GMDS: variants seen among roughly 807,000 people sequenced by gnomAD.
GMDS encodes GDP-mannose 4,6 dehydratase.
A neutral mutation model predicts 49.9 loss-of-function variants in GMDS; 20 were observed. The ratio of observed to expected loss-of-function variants is 0.40; its 90% CI spans 0.28 to 0.58. The LOEUF is 0.58. Ranked by LOEUF, GMDS falls within the 20% of genes least tolerant of loss-of-function variation. The pLI, the probability that GMDS is intolerant of heterozygous loss-of-function variation, is 0.42. For synonymous variants in GMDS, 177 were observed against 178.6 expected (o/e 0.99, Z 0.07); for missense variants, 362 against 481.4 (o/e 0.75, Z 2.32).
At chr6:1,730,878 A>G (rs1202364065) in intron 8 of GMDS, among the ~76,000 whole-genome samples, 1 of 152,220 alleles carries the variant, frequency 6.6e-6, no homozygotes, top group Admixed American at 6.5e-5. Context: ...TATATAAGGA[A>G]AATCACATAT....
chr6:2,076,560 G>C (rs1224761968), intron 4 of GMDS, among the ~76,000 whole-genome samples: 1 of 152,124 alleles, frequency 6.6e-6, no homozygotes, highest in African/African-American at 2.4e-5. Context: ...TACCAAAACA[G>C]AGATATAGAC....
intron 9 of GMDS, among the ~76,000 whole-genome samples, chr6:1,645,161 C>T (rs1166795094): frequency 6.6e-6 from 1 of 152,086 alleles, no homozygotes; most frequent in Non-Finnish European, 1.5e-5. Context: ...GTCTCGAACT[C>T]CTGACCTCGT....
At chr6:2,117,623 G>C in intron 2 of GMDS, 67 bp from the exon 3 acceptor site, 2 of 809,098 alleles carry the variant, frequency 2.5e-6, no homozygotes, top group African/African-American at 1.7e-5. Context: ...TTTAGCTAAT[G>C]TTTAGCTTTA....
chr6:1,668,354 A>G (rs1764300202), intron 9 of GMDS, among the ~76,000 whole-genome samples: 1 of 152,234 alleles, frequency 6.6e-6, no homozygotes, highest in South Asian at 2.1e-4. Flanking sequence ...TTAATAAGAT[A>G]AAAAGGCCTT....
rs559900057 is a variant in GMDS at position 2,124,393 on chromosome 6, G to A, written c.147+294C>T. On this transcript the variant is annotated intron_variant, in intron 2 of 10. Transcript: ENST00000380815. Reference sequence around the variant, plus strand: ...AACACATTACATCATAAATTAACCCGAATCATGTTACAGCTTCGCTTGCAC... The same window carrying A: ...AACACATTACATCATAAATTAACCCAAATCATGTTACAGCTTCGCTTGCAC... Among the ~76,000 whole-genome samples the A allele has an allele frequency of 1.6e-4, 24 of 152,294 alleles. No homozygotes were observed. The South Asian group carries it at 4.1e-3, about 26-fold the overall frequency.
At chr6:2,085,802 C>A (rs367987961) in intron 4 of GMDS, among the ~76,000 whole-genome samples, 3 of 152,280 alleles carry the variant, frequency 2.0e-5, no homozygotes, top group South Asian at 4.1e-4. Context: ...TGCTGGATTA[C>A]AGGCGTGAGT....
At chr6:1,909,497 T>C (rs1383118381) in intron 7 of GMDS, among the ~76,000 whole-genome samples, 1 of 152,214 alleles carries the variant, frequency 6.6e-6, no homozygotes, top group African/African-American at 2.4e-5. Flanking sequence ...TGCAACAGGA[T>C]CTTGCTGTGA....
At chr6:2,143,082 G>T (rs1776385259) in intron 1 of GMDS, among the ~76,000 whole-genome samples, 1 of 152,212 alleles carries the variant, frequency 6.6e-6, no homozygotes, top group African/African-American at 2.4e-5. Flanking sequence ...ACAGGACCAT[G>T]ACTGCATTGC....
chr6:1,911,058 G>A (rs1321370393), intron 7 of GMDS, among the ~76,000 whole-genome samples: 1 of 152,202 alleles, frequency 6.6e-6, no homozygotes, highest in Admixed American at 6.5e-5. Context: ...GAAAGATGGA[G>A]GGGCTAGTTC....
At chr6:1,747,061 G>C (rs1767526814) in intron 7 of GMDS, among the ~76,000 whole-genome samples, 1 of 152,104 alleles carries the variant, frequency 6.6e-6, no homozygotes, top group African/African-American at 2.4e-5. Context: ...CTCCCATTTG[G>C]TAATTTGAGG....
chr6:2,017,360 G>A (rs185219524), intron 4 of GMDS, among the ~76,000 whole-genome samples: 1 of 151,966 alleles, frequency 6.6e-6, no homozygotes, highest in African/African-American at 2.4e-5. Context: ...CCAGGCAGGA[G>A]TGCAGTGGCG....
intron 7 of GMDS, among the ~76,000 whole-genome samples, chr6:1,817,180 C>T (rs1184168342): frequency 6.6e-6 from 1 of 151,458 alleles, no homozygotes; most frequent in East Asian, 1.9e-4. Context: ...CTAGAACATG[C>T]CTTCCTGTTC....
intron 7 of GMDS, among the ~76,000 whole-genome samples, chr6:1,872,105 T>C (rs2296131): frequency 0.48 from 72,762 of 152,118 alleles, 20,409 homozygotes; most frequent in Non-Finnish European, 0.62. Context: ...TGGTCCTCTC[T>C]ATCCCAGTTG....
At chr6:1,938,394 G>A (rs1314784796) in intron 6 of GMDS, among the ~76,000 whole-genome samples, 1 of 152,090 alleles carries the variant, frequency 6.6e-6, no homozygotes, top group African/African-American at 2.4e-5. Flanking sequence ...CCCTTAATGT[G>A]GAAAAATTAA....
chr6:1,673,441 C>A (rs537005260), intron 9 of GMDS, among the ~76,000 whole-genome samples: 2 of 151,436 alleles, frequency 1.3e-5, no homozygotes, highest in Non-Finnish European at 2.9e-5. Flanking sequence ...ACAGAAAGTA[C>A]AGAGAGTTCT....
intron 7 of GMDS, among the ~76,000 whole-genome samples, chr6:1,852,135 A>G (rs1757704968): frequency 6.6e-6 from 1 of 152,198 alleles, no homozygotes; most frequent in African/African-American, 2.4e-5. Flanking sequence ...GGTCACTCCA[A>G]CCACCGCAGT....
At chr6:2,070,395 G>T (rs1382805161) in intron 4 of GMDS, among the ~76,000 whole-genome samples, 2 of 151,868 alleles carry the variant, frequency 1.3e-5, no homozygotes, top group African/African-American at 2.4e-5. Flanking sequence ...TTGTGCACAT[G>T]TACCGTAAAA....
chr6:1,762,401 G>A (rs1170492174), intron 7 of GMDS, among the ~76,000 whole-genome samples: 1 of 152,256 alleles, frequency 6.6e-6, no homozygotes. Flanking sequence ...GGTCAGGAGT[G>A]AGCAGTCCCA....
intron 4 of GMDS, among the ~76,000 whole-genome samples, chr6:1,999,987 A>T (rs1207455537): frequency 6.1e-5 from 1 of 16,290 alleles, no homozygotes; most frequent in African/African-American, 2.0e-4. Flanking sequence ...TATATTTTAT[A>T]TATATATATT....
Sources: allele counts gnomAD v4.1 joint callset (sites outside exome capture counted in the v4.1 genomes callset), GRCh38; gene constraint gnomAD v4.1.1; transcripts MANE v1.5; gene names NCBI Gene and HGNC (gene_info 2026-07-23, HGNC 2026-07-21).